GPRIN1: variants seen among roughly 807,000 people sequenced by gnomAD.
GPRIN1 encodes the protein G protein-regulated inducer of neurite outgrowth 1.
A neutral mutation model predicts 2.8 loss-of-function variants in GPRIN1; 4 were observed. The observed-to-expected ratio is 1.45, with a 90% CI of 0.71 to 3.32. The LOEUF is 3.32. Among genes scored for constraint, GPRIN1 ranks in the 30% most tolerant of loss-of-function variants. The probability of loss-of-function intolerance (pLI) is 0.01; values close to 1 mark genes in which losing one functional copy is unlikely to be tolerated. For synonymous variants in GPRIN1, 589 were observed against 589.9 expected (o/e 1.00, Z 0.02); for missense variants, 1,322 against 1,343.4 (o/e 0.98, Z 0.25).
In GPRIN1 at chr5:176,599,005, G is replaced by A. The variant is rs149757860; in HGVS notation, c.830C>T (p.Ser277Phe). The A allele has an allele frequency of 2.0e-3, 3,259 of 1,614,224 alleles. 7 individuals carry two copies. Among genetic ancestry groups the A allele is most frequent in the Non-Finnish European group, 2.4e-3 (2,815 of 1,180,020 alleles). Residue 277 changes from serine (S) to phenylalanine (F), a missense_variant, in exon 2 of 2, where the codon TCT becomes TTT. Physicochemically the swap from Ser to Phe is radical, Grantham distance 155 (BLOSUM62 -2). This residue lies in a region of GPRIN1 where 1,117 missense variants were observed against 1,128.6 expected (regional missense o/e 0.99). Coordinates refer to ENST00000303991, the MANE Select transcript of GPRIN1 (RefSeq NM_052899.3). ...PVSSEKVAPT[S>F]AEKVDLVLSG... ...CAATACAAGATCTACCTTTTCTGCA[G>A]ATGTAGGAGCGACCTTTTCTGAGGA...
chr5:176,607,810 C>T (rs1759244335), intron 1 of GPRIN1, among the ~76,000 whole-genome samples: 1 of 150,370 alleles, frequency 6.7e-6, no homozygotes, highest in Non-Finnish European at 1.5e-5. Context: ...TGACCAAGGG[C>T]ACACAACTGA....
In GPRIN1 at chr5:176,597,012, A is replaced by G. The variant is rs1759049051; in HGVS notation, c.2823T>C (p.His941=). The change falls in exon 2 of 2, where the codon CAT becomes CAC. Residue 941 remains histidine, a synonymous_variant. Coordinates refer to ENST00000303991, the MANE Select transcript of GPRIN1 (RefSeq NM_052899.3). This position sits in a 1 kb window ranked among gnomAD's most constrained non-coding sequence, Gnocchi z 6.1. The part of the protein sequence containing the change: ...VEVLGMAIQK[H]LERQIEEHGR... Reference sequence around the variant, plus strand: ...CGTGCTCCTCGATCTGTCGCTCCAGATGCTTCTGGATGGCCATGCCCAGCA... The same window carrying G: ...CGTGCTCCTCGATCTGTCGCTCCAGGTGCTTCTGGATGGCCATGCCCAGCA... 2.0e-6 allele frequency: 3 copies of G among 1,464,680 alleles called. No individual in the cohort carries two copies. The highest frequency in any genetic ancestry group is 2.8e-5 in the South Asian group (2 of 72,548). 90.7% of individuals were successfully genotyped at this position (1,464,680 alleles called of 1,614,324 possible).
rs562062178 is a variant in GPRIN1 at position 176,602,358 on chromosome 5, G to T, written c.-43-2481C>A. Among the ~76,000 whole-genome samples, 11 of 152,026 alleles carry T rather than the reference G, an allele frequency of 7.2e-5. No individual in the cohort carries two copies. Among genetic ancestry groups the T allele is most frequent in the Non-Finnish European group, 1.2e-4 (8 of 68,026 alleles). ...ACCATCTGACATATCACATATATTC[G>T]CTTATTGCTTGTGGTGTGTTGCTCT... On this transcript the variant is annotated intron_variant, in intron 1 of 1. Transcript: ENST00000303991. This position sits in a 1 kb window ranked among gnomAD's most constrained non-coding sequence, Gnocchi z 4.4.
chr5:176,598,991 C>T lies in GPRIN1; in HGVS notation c.844G>A (p.Asp282Asn), dbSNP rs753482016. 3.1e-5 allele frequency: 50 copies of T among 1,614,110 alleles called. 1 individual carries two copies. In the South Asian group the frequency reaches 3.2e-4, roughly 10 times the overall value. ...KVAPTSAEKV[D>N]LVLSGKRDPG... Reference sequence around the variant, plus strand: ...TCTCTCTTTCCCGACAATACAAGATCTACCTTTTCTGCAGATGTAGGAGCG... The same window carrying T: ...TCTCTCTTTCCCGACAATACAAGATTTACCTTTTCTGCAGATGTAGGAGCG... Residue 282 changes from aspartate to asparagine, a missense_variant, in exon 2 of 2, where the codon GAT becomes AAT. Asp to Asn is a conservative substitution (Grantham distance 23). Around this residue, in one of 3 missense-constraint regions of GPRIN1, gnomAD observed 1,117 missense variants for 1,128.6 expected, o/e 0.99. Coordinates refer to ENST00000303991, the MANE Select transcript of GPRIN1 (RefSeq NM_052899.3).
chr5:176,605,061 A>AT (rs1759203867), intron 1 of GPRIN1, among the ~76,000 whole-genome samples: 1 of 150,652 alleles, frequency 6.6e-6, no homozygotes, highest in Non-Finnish European at 1.5e-5. Flanking sequence ...ATATTGGCTA[A>AT]TTTAAAAAAT....
chr5:176,597,718 G>C lies in GPRIN1; in HGVS notation c.2117C>G (p.Ser706Cys). Residue 706 changes from serine (S) to cysteine (C), a missense_variant, in exon 2 of 2, where the codon TCC (serine) becomes TGC (cysteine). Transcript: ENST00000303991. The surrounding 1 kb of genome is among the most constrained non-coding windows in gnomAD (Gnocchi z 6.1). ...ACTCAGGGGGACCACCTTCCCCAAG[G>C]ATGGGGACTCCGTTTTTCTGGAAGG... Reference protein sequence around the residue: ...SAPSRKTESPSLGKVVPLSLE... With the variant: ...SAPSRKTESPCLGKVVPLSLE... 14 of 1,597,878 alleles carry C rather than the reference G, an allele frequency of 8.8e-6. No individual in the cohort carries two copies. The highest frequency in any genetic ancestry group is 1.2e-5 in the Non-Finnish European group (14 of 1,172,094).
chr5:176,597,681 G>C lies in GPRIN1; in HGVS notation c.2154C>G (p.Thr718=). The C allele has an allele frequency of 2.5e-6, 4 of 1,595,190 alleles. No individual in the cohort carries two copies. The highest frequency in any genetic ancestry group is 3.5e-5 in the Admixed American group (2 of 57,582). Reference sequence around the variant, plus strand: ...ACTGCCTGGAGGAGGAGGACGGCTTGGTCTTCTCCAGACTCAGGGGGACCA... The same window carrying C: ...ACTGCCTGGAGGAGGAGGACGGCTTCGTCTTCTCCAGACTCAGGGGGACCA... The part of the protein sequence containing the change: ...GKVVPLSLEK[T]KPSSSSRQLD... The change falls in exon 2 of 2, where the codon ACC becomes ACG. Residue 718 remains threonine, a synonymous_variant. Coordinates refer to ENST00000303991, the MANE Select transcript of GPRIN1 (RefSeq NM_052899.3). The surrounding 1 kb of genome is among the most constrained non-coding windows in gnomAD (Gnocchi z 6.1).
intron 1 of GPRIN1, among the ~76,000 whole-genome samples, chr5:176,600,500 C>G (rs1024590400): frequency 6.6e-6 from 1 of 152,180 alleles, no homozygotes; most frequent in Admixed American, 6.5e-5. Flanking sequence ...GTCCTCTAGG[C>G]CAGGGGCTGC....
In GPRIN1 at chr5:176,598,492, G is replaced by A; in HGVS notation, c.1343C>T (p.Ala448Val). 2 of 1,614,146 alleles carry A rather than the reference G, an allele frequency of 1.2e-6. No individual in the cohort carries two copies. The highest frequency in any genetic ancestry group is 1.7e-6 in the Non-Finnish European group (2 of 1,180,034). ...CTCTTTTCCTGGGGATACAGTTCCT[G>A]CCTTTCCCACAGACACACGCTCTGC... The part of the protein sequence containing the change: ...GQAERVSVGK[A>V]GTVSPGKEDP... Residue 448 changes from alanine (A) to valine (V), a missense_variant, in exon 2 of 2, where the codon GCA (alanine) becomes GTA (valine). Physicochemically the swap from Ala to Val is moderately conservative, Grantham distance 64 (BLOSUM62 0). Transcript: ENST00000303991.
chr5:176,605,094 C>CTT (rs33965999), intron 1 of GPRIN1, among the ~76,000 whole-genome samples: 32 of 132,924 alleles, frequency 2.4e-4, no homozygotes, highest in Non-Finnish European at 3.6e-4. Flanking sequence ...AAACAAAACA[C>CTT]TTTTTTTTTT....
Position 176,597,564 on chromosome 5 carries a change from G to A in GPRIN1, c.2271C>T (p.Ser757=). Residue 757 remains serine, a synonymous_variant, in exon 2 of 2, where the codon AGC becomes AGT. Transcript: ENST00000303991. This position sits in a 1 kb window ranked among gnomAD's most constrained non-coding sequence, Gnocchi z 6.1. ...RVEPKAEPVS[S]TEASSLGQKD... is the part of the protein sequence containing the mutation. ...TCTGGCCGAGACTGGAGGCCTCGGT[G>A]CTGGACACGGGCTCGGCCTTCGGCT... The A allele has an allele frequency of 6.3e-7, 1 of 1,581,960 alleles. No individual in the cohort carries two copies. Among genetic ancestry groups the A allele is most frequent in the Non-Finnish European group, 8.5e-7 (1 of 1,170,878 alleles).
rs201274928 is a variant in GPRIN1, at chr5:176,599,312, G to A, written c.523C>T (p.Arg175Trp). 8.7e-6 allele frequency: 14 copies of A among 1,613,712 alleles called. No individual in the cohort carries two copies. The highest frequency in any genetic ancestry group is 2.2e-5 in the East Asian group (1 of 44,844). The change falls in exon 2 of 2, where the codon CGG becomes TGG. Residue 175 changes from arginine (R) to tryptophan (W), a missense_variant. Transcript: ENST00000303991. ...SIGKEDPGSSRKADPMFTGKA... is the reference protein window; with the variant it reads ...SIGKEDPGSSWKADPMFTGKA... ...CCTGTAAACATGGGATCTGCCTTCC[G>A]TGAGGACCCAGGATCCTCCTTTCCT...
Position 176,607,105 on chromosome 5 carries a change from G to A in GPRIN1, c.-44+2894C>T, listed in dbSNP as rs1366669755. On this transcript the variant is annotated intron_variant, in intron 1 of 1. Transcript: ENST00000303991. ...GTCTCAGTTTTCCAATCTGTGAAAT[G>A]GGAGAGGGGATGTAGTTACATCTGG... Among the ~76,000 whole-genome samples, 4 of 152,226 alleles carry A rather than the reference G, an allele frequency of 2.6e-5. 1 individual carries two copies. The highest frequency in any genetic ancestry group is 5.9e-5 in the Non-Finnish European group (4 of 68,032).
intron 1 of GPRIN1, among the ~76,000 whole-genome samples, chr5:176,605,969 G>C (rs1336897715): frequency 6.6e-6 from 1 of 152,122 alleles, no homozygotes; most frequent in African/African-American, 2.4e-5. Context: ...GTCAGCAAAG[G>C]ATATAGGAAG....
rs779619423 is a variant in GPRIN1, at chr5:176,596,958, GGGCGGCGGCGCGGGCGCCCCTT to G, written c.2855_2876del (p.Gln952ProfsTer126). ...AACGGCCGGGGCCGGCACGGGCGGC[GGGCGGCGGCGCGGGCGCCCCTT>G]GGCGGCCGTGCTCCTCGATCTGTCG... is the stretch of plus-strand genomic sequence containing the variant. On this transcript the variant is annotated frameshift_variant, in exon 2 of 2. Transcript: ENST00000303991. LOFTEE classifies it high-confidence loss of function. This position sits in a 1 kb window ranked among gnomAD's most constrained non-coding sequence, Gnocchi z 5.2. 2 of 1,325,148 alleles carry G rather than the reference GGGCGGCGGCGCGGGCGCCCCTT, an allele frequency of 1.5e-6. No individual in the cohort carries two copies. The highest frequency in any genetic ancestry group is 2.3e-5 in the South Asian group (1 of 43,784). 82.1% of individuals were successfully genotyped at this position (1,325,148 alleles called of 1,614,324 possible).
At chr5:176,605,458 C>T (rs1448759359) in intron 1 of GPRIN1, among the ~76,000 whole-genome samples, 1 of 152,126 alleles carries the variant, frequency 6.6e-6, no homozygotes, top group Non-Finnish European at 1.5e-5. Flanking sequence ...ATCCATCTGG[C>T]CCTTGGCCTA....
Position 176,602,555 on chromosome 5 carries a change from C to T in GPRIN1, c.-43-2678G>A, listed in dbSNP as rs1479853483. 6.6e-6 allele frequency among the ~76,000 whole-genome samples: 1 copy of T among 152,152 alleles called. No homozygotes were observed. Among genetic ancestry groups the T allele is most frequent in the East Asian group, 1.9e-4 (1 of 5,194 alleles). On this transcript the variant is annotated intron_variant, in intron 1 of 1. Transcript: ENST00000303991. This position sits in a 1 kb window ranked among gnomAD's most constrained non-coding sequence, Gnocchi z 4.4. ...CACCTGTGCCCTCCTTGGCTCAAAA[C>T]CCTCCTCATTCTTGCCGGAAATGTA... is the stretch of plus-strand genomic sequence containing the variant.
intron 1 of GPRIN1, among the ~76,000 whole-genome samples, chr5:176,608,348 C>T (rs1467277147): frequency 6.6e-6 from 1 of 152,182 alleles, no homozygotes; most frequent in Non-Finnish European, 1.5e-5. Context: ...CATTCCCCCA[C>T]CTGTGGGAAC....
rs1759292089 is a variant in GPRIN1, at chr5:176,610,043, C to CT, written c.-89dup. 1.4e-5 allele frequency: 2 copies of CT among 139,812 alleles called. No homozygotes were observed. The highest frequency in any genetic ancestry group is 3.3e-5 in the Non-Finnish European group (2 of 61,382). The allele number at this position is 139,812 out of a possible 1,614,324, so 8.7% of individuals were successfully genotyped here. The stretch of plus-strand genomic sequence containing the variant: ...GGCTCCTGGGCGAGATGCGCTCCGG[C>CT]TCCCGCCGCCGCCGCCGCCGCCGCC... On this transcript the variant is annotated 5_prime_UTR_variant, in exon 1 of 2. Coordinates refer to ENST00000303991, the MANE Select transcript of GPRIN1 (RefSeq NM_052899.3).
Sources: allele counts gnomAD v4.1 joint callset (sites outside exome capture counted in the v4.1 genomes callset), GRCh38; gene constraint gnomAD v4.1.1; regional missense constraint gnomAD v4.1.1; non-coding constraint Gnocchi (gnomAD v3.1); transcripts MANE v1.5; gene names NCBI Gene and HGNC (gene_info 2026-07-23, HGNC 2026-07-21).